Variants in RAB37 observed in about 807,000 individuals in gnomAD.
The protein encoded by RAB37 is ras-related protein Rab-37.
Under a neutral mutation model 33.1 loss-of-function variants are expected in RAB37, and 29 were observed. The observed-to-expected ratio is 0.88, with a 90% CI of 0.65 to 1.20. RAB37 has a LOEUF of 1.20. Ranked by LOEUF, RAB37 falls within the 50% of genes most tolerant of loss-of-function variation. RAB37 has a pLI of 0.00. For synonymous variants in RAB37, 128 were observed against 119.5 expected, an observed-to-expected ratio of 1.07 and a Z score of -0.47; for missense variants, 299 against 301.1, an observed-to-expected ratio of 0.99 and a Z score of 0.05.
chr17:74,671,495 A>C lies in RAB37; in HGVS notation c.-92A>C. On this transcript the variant is annotated 5_prime_UTR_variant, in exon 1 of 8. Coordinates refer to the RAB37 transcript ENST00000340415. This position sits in a 1 kb window ranked among gnomAD's most constrained non-coding sequence, Gnocchi z 5.0. ...GCCCGGCCCGCAGAGCTCAGACCCA[A>C]GCCTGCCGCACCCAGCGGAGCTCGA... 1 of 1,249,654 alleles carries C rather than the reference A, an allele frequency of 8.0e-7. No homozygotes were observed. The highest frequency in any genetic ancestry group is 1.2e-6 in the Non-Finnish European group (1 of 862,038). The allele number at this position is 1,249,654 out of a possible 1,614,324, so 77.4% of individuals were successfully genotyped here.
At chr17:74,723,283 C>A (rs2034264550) in intron 1 of RAB37, among the ~76,000 whole-genome samples, 1 of 152,176 alleles carries the variant, frequency 6.6e-6, no homozygotes, top group Non-Finnish European at 1.5e-5. Flanking sequence ...AAACCTATAA[C>A]CAAACACAAT....
intron 1 of RAB37, among the ~76,000 whole-genome samples, chr17:74,709,220 CA>C (rs1054719174): frequency 2.0e-3 from 253 of 128,340 alleles, no homozygotes; most frequent in African/African-American, 5.0e-3. Flanking sequence ...AAGACTGACT[CA>C]AAAAAAAAAA....
upstream of RAB37, among the ~76,000 whole-genome samples, chr17:74,732,348 G>A (rs143313643): frequency 8.3e-4 from 127 of 152,246 alleles, 1 homozygote; most frequent in East Asian, 0.02. Context: ...GTCTCTGCCC[G>A]GGTCTCCTTC....
intron 1 of RAB37, among the ~76,000 whole-genome samples, chr17:74,688,459 A>G (rs902901206): frequency 1.3e-5 from 2 of 151,634 alleles, no homozygotes; most frequent in Admixed American, 6.6e-5. Context: ...AGGCTGAGGC[A>G]GGAGAATTGC....
intron 1 of RAB37, chr17:74,696,283 C>A: frequency 6.6e-7 from 1 of 1,519,262 alleles, no homozygotes; most frequent in Non-Finnish European, 8.8e-7. Flanking sequence ...ACCCCCAGGT[C>A]TAGGGAAGAG....
At chr17:74,684,605 T>G (rs2032017512) in intron 1 of RAB37, among the ~76,000 whole-genome samples, 1 of 151,968 alleles carries the variant, frequency 6.6e-6, no homozygotes, top group Non-Finnish European at 1.5e-5. Context: ...CTGACCAACA[T>G]GACGAAACCC....
At chr17:74,716,903 G>A (rs1336063331) in intron 1 of RAB37, among the ~76,000 whole-genome samples, 1 of 152,220 alleles carries the variant, frequency 6.6e-6, no homozygotes, top group Admixed American at 6.5e-5. Context: ...GGAGGGCAAG[G>A]TAGGCGGATC....
rs113214131 is a variant in RAB37 at position 74,738,568 on chromosome 17, C to T, written c.93+1203C>T. 1.3e-5 allele frequency among the ~76,000 whole-genome samples: 2 copies of T among 152,282 alleles called. No individual in the cohort carries two copies. The highest frequency in any genetic ancestry group is 2.1e-4 in the South Asian group (1 of 4,830). On this transcript the variant is annotated intron_variant, in intron 1 of 8. Transcript: ENST00000392613. The surrounding 1 kb of genome is among the most constrained non-coding windows in gnomAD (Gnocchi z 5.0). ...ACCGAGCTGGGTGGGTAGCTGGCAT[C>T]GTTTGCTCAAGGCAGCTGTGATCTG...
intron 1 of RAB37, among the ~76,000 whole-genome samples, chr17:74,707,341 T>C (rs948580866): frequency 6.6e-6 from 1 of 152,230 alleles, no homozygotes; most frequent in African/African-American, 2.4e-5. Context: ...ACCAGATATT[T>C]CTCAAAAGAG....
chr17:74,708,533 A>C (rs2033694637), intron 1 of RAB37, among the ~76,000 whole-genome samples: 1 of 152,252 alleles, frequency 6.6e-6, no homozygotes, highest in Non-Finnish European at 1.5e-5. Flanking sequence ...AAAGATCAGC[A>C]TACGGAATCT....
At chr17:74,724,923 G>C (rs1008479837) in intron 1 of RAB37, among the ~76,000 whole-genome samples, 1 of 152,158 alleles carries the variant, frequency 6.6e-6, no homozygotes, top group Non-Finnish European at 1.5e-5. Flanking sequence ...GGGCTCAAAG[G>C]CCTGACAATA....
rs999730134 is a variant in RAB37 at position 74,744,967 on chromosome 17, G to T, written c.489+38G>T. The T allele has an allele frequency of 6.2e-7, 1 of 1,614,064 alleles. No homozygotes were observed. On this transcript the variant is annotated intron_variant, in intron 7 of 8. Transcript: ENST00000392613. This position sits in a 1 kb window ranked among gnomAD's most constrained non-coding sequence, Gnocchi z 4.2. ...CTGTGGGACAGGGTGAAGGGTGGGG[G>T]CAACCCGACGCTGGCCCTGAGGACA...
chr17:74,738,245 C>G lies in RAB37; in HGVS notation c.93+880C>G, dbSNP rs558846371. ...GCATGGCCTTGAAGGAGACCTGCCT[C>G]TCTCTGGGCCTCGGTTTCCTCCCCG... On this transcript the variant is annotated intron_variant, in intron 1 of 8. Transcript: ENST00000392613. This position sits in a 1 kb window ranked among gnomAD's most constrained non-coding sequence, Gnocchi z 5.0. Among the ~76,000 whole-genome samples the G allele has an allele frequency of 6.6e-6, 1 of 152,300 alleles. No individual in the cohort carries two copies. Among genetic ancestry groups the G allele is most frequent in the Non-Finnish European group, 1.5e-5 (1 of 68,028 alleles).
rs566998097 is a variant in RAB37, at chr17:74,698,623, T to G, written c.72+26965T>G. ...TTTGCAGCCTGGGAACCCTCACTCC[T>G]GGGGATCCTCAAAGATGGGTTTACA... On this transcript the variant is annotated intron_variant, in intron 1 of 7. Coordinates refer to the RAB37 transcript ENST00000340415. 1.3e-3 allele frequency: 1,953 copies of G among 1,482,444 alleles called. 3 individuals carry two copies. Among genetic ancestry groups the G allele is most frequent in the Middle Eastern group, 5.7e-3 (30 of 5,280 alleles). 91.8% of individuals were successfully genotyped at this position (1,482,444 alleles called of 1,614,324 possible).
upstream of RAB37, chr17:74,736,888 G>A (rs1221176798): frequency 8.7e-6 from 13 of 1,492,642 alleles, no homozygotes; most frequent in Non-Finnish European, 1.2e-5. Context: ...CCCGGGGCTC[G>A]GGCGCCGCCT....
intron 1 of RAB37, among the ~76,000 whole-genome samples, chr17:74,711,914 T>C (rs2033994670): frequency 6.7e-6 from 1 of 149,052 alleles, no homozygotes. Context: ...TTCTTTTTTT[T>C]TTTTTTTTGA....
At chr17:74,734,327 T>A (rs1399014939), upstream of RAB37, among the ~76,000 whole-genome samples, 2 of 152,230 alleles carry the variant, frequency 1.3e-5, no homozygotes, top group African/African-American at 4.8e-5. Context: ...ACTGGATTAA[T>A]GGCCTGCCCT....
chr17:74,713,036 G>A (rs761558460), intron 1 of RAB37: 125 of 667,676 alleles, frequency 1.9e-4, no homozygotes, highest in South Asian at 5.6e-5. Context: ...GTTGGGCACC[G>A]TGGCTCAGGC....
chr17:74,716,183 C>G (rs1300988056), intron 1 of RAB37, among the ~76,000 whole-genome samples: 2 of 152,206 alleles, frequency 1.3e-5, no homozygotes, highest in Non-Finnish European at 2.9e-5. Flanking sequence ...GACCATTGAC[C>G]TATACACAAG....
Sources: allele counts gnomAD v4.1 joint callset (sites outside exome capture counted in the v4.1 genomes callset), GRCh38; gene constraint gnomAD v4.1.1; non-coding constraint Gnocchi (gnomAD v3.1); transcripts MANE v1.5; gene names NCBI Gene and HGNC (gene_info 2026-07-23, HGNC 2026-07-21).